VRK2: variants seen among roughly 807,000 people sequenced by gnomAD.
The protein encoded by VRK2 is serine/threonine-protein kinase VRK2.
VRK2 carries 60 observed loss-of-function variants against 57.6 expected under a neutral mutation model. The observed-to-expected ratio is 1.04, with a 90% CI of 0.85 to 1.29. VRK2 has a LOEUF of 1.29. Ranked by LOEUF, VRK2 falls within the 50% of genes most tolerant of loss-of-function variation. The pLI, the probability that VRK2 is intolerant of heterozygous loss-of-function variation, is 0.00. For synonymous variants in VRK2, 231 were observed against 199.2 expected (o/e 1.16, Z -1.35); for missense variants, 705 against 588.1 (o/e 1.20, Z -2.06).
intron 1 of VRK2, among the ~76,000 whole-genome samples, chr2:57,935,055 C>T (rs531989720): frequency 3.3e-5 from 5 of 152,230 alleles, no homozygotes; most frequent in East Asian, 1.9e-4. Context: ...AATTCTTTAT[C>T]AGAAAATTGG....
At chr2:58,090,360 C>T (rs572584375) in intron 7 of VRK2, among the ~76,000 whole-genome samples, 4 of 145,236 alleles carry the variant, frequency 2.8e-5, no homozygotes, top group South Asian at 4.3e-4. Flanking sequence ...GGTGCCATTG[C>T]ACTCCATCCA....
chr2:57,963,238 T>G (rs1221341565), intron 1 of VRK2, among the ~76,000 whole-genome samples: 1 of 152,184 alleles, frequency 6.6e-6, no homozygotes, highest in Non-Finnish European at 1.5e-5. Flanking sequence ...CACTCCTAAT[T>G]AGCATTTTAT....
intron 1 of VRK2, among the ~76,000 whole-genome samples, chr2:57,934,220 C>T (rs2717023): frequency 0.7 from 105,908 of 152,120 alleles, 38,369 homozygotes; most frequent in African/African-American, 0.92. Context: ...ATACTAACCA[C>T]TGTGAGTTTC....
At chr2:58,058,385 G>T (rs1230619113) in intron 2 of VRK2, 1 of 470,500 alleles carries the variant, frequency 2.1e-6, no homozygotes, top group Non-Finnish European at 4.4e-6. Flanking sequence ...CCAATGCTTA[G>T]TGTGGAGTAA....
chr2:58,116,564 G>A (rs959175765), intron 7 of VRK2, among the ~76,000 whole-genome samples: 7 of 152,234 alleles, frequency 4.6e-5, no homozygotes, highest in Admixed American at 2.6e-4. Context: ...GTAATGTGGA[G>A]TGGGTAGCCT....
At chr2:57,915,672 A>G (rs1428653050) in intron 1 of VRK2, among the ~76,000 whole-genome samples, 2 of 152,224 alleles carry the variant, frequency 1.3e-5, no homozygotes, top group South Asian at 2.1e-4. Context: ...GTTATCTGCG[A>G]TAAGCTGTAT....
rs976618765 is a variant in VRK2, at chr2:58,006,352, A to T, written c.-438-19313A>T. ...ACCAAAAGGTGGCCCACAGTGAGTA[A>T]ATTAAAAATGCCAGACATGCCTTGG... is the stretch of plus-strand genomic sequence containing the variant. On this transcript the variant is annotated intron_variant, in intron 1 of 15. Coordinates refer to the VRK2 transcript ENST00000417641. Among the ~76,000 whole-genome samples the T allele has an allele frequency of 2.0e-5, 3 of 152,162 alleles. No individual in the cohort carries two copies. The East Asian group carries it at 5.8e-4, about 29-fold the overall frequency.
chr2:58,125,883 C>G (rs180860362), intron 8 of VRK2, among the ~76,000 whole-genome samples: 1 of 152,102 alleles, frequency 6.6e-6, no homozygotes, highest in Admixed American at 6.5e-5. Context: ...GAATACTGTT[C>G]ACTCCTATGT....
chr2:58,134,697 C>G (rs1296241497), intron 9 of VRK2, among the ~76,000 whole-genome samples: 1 of 152,018 alleles, frequency 6.6e-6, no homozygotes, highest in African/African-American at 2.4e-5. Flanking sequence ...AGAACATACC[C>G]TTTTGTCCAG....
At chr2:57,972,908 T>C (rs770625126) in intron 1 of VRK2, among the ~76,000 whole-genome samples, 2 of 151,912 alleles carry the variant, frequency 1.3e-5, no homozygotes, top group Non-Finnish European at 2.9e-5. Flanking sequence ...TGTACAATAG[T>C]TCAATCAATC....
rs112941010 is a variant in VRK2 at position 58,090,771 on chromosome 2, C to T, written c.543+1048C>T. Among the ~76,000 whole-genome samples the T allele has an allele frequency of 3.9e-3, 599 of 152,250 alleles. 5 individuals carry two copies. The highest frequency in any genetic ancestry group is 0.015 in the Admixed American group (225 of 15,294). On this transcript the variant is annotated intron_variant, in intron 7 of 12. Coordinates refer to ENST00000340157, the MANE Select transcript of VRK2 (RefSeq NM_006296.7). Reference sequence around the variant, plus strand: ...AAACCTGCACGTGAATGCTTGTAGTCGGTTTATTCATACTCGTCAAAACAT... The same window carrying T: ...AAACCTGCACGTGAATGCTTGTAGTTGGTTTATTCATACTCGTCAAAACAT...
At chr2:57,960,521 A>T (rs969588486) in intron 1 of VRK2, among the ~76,000 whole-genome samples, 1 of 152,218 alleles carries the variant, frequency 6.6e-6, no homozygotes, top group African/African-American at 2.4e-5. Flanking sequence ...TTGCATTCAC[A>T]TTCACATTAG....
intron 7 of VRK2, among the ~76,000 whole-genome samples, chr2:58,113,972 G>T (rs1676013638): frequency 2.6e-5 from 4 of 152,094 alleles, no homozygotes; most frequent in Admixed American, 2.0e-4. Context: ...GTTTCTCAGG[G>T]CTGCTTCAAC....
At chr2:58,027,925 T>C (rs1673983035) in intron 2 of VRK2, among the ~76,000 whole-genome samples, 1 of 152,176 alleles carries the variant, frequency 6.6e-6, no homozygotes, top group Non-Finnish European at 1.5e-5. Context: ...TGAATGTGGA[T>C]AAACAACATA....
chr2:57,911,329 C>A (rs1214926361), intron 1 of VRK2, among the ~76,000 whole-genome samples: 1 of 152,064 alleles, frequency 6.6e-6, no homozygotes, highest in Non-Finnish European at 1.5e-5. Context: ...GAGTTAAGTT[C>A]CATGGTTAAA....
At chr2:57,957,599 T>C (rs1324931974) in intron 1 of VRK2, among the ~76,000 whole-genome samples, 3 of 147,560 alleles carry the variant, frequency 2.0e-5, no homozygotes, top group Admixed American at 6.8e-5. Flanking sequence ...AAACTATATG[T>C]AGATATATAT....
chr2:57,918,572 A>G (rs967369724), intron 1 of VRK2, among the ~76,000 whole-genome samples: 2 of 152,084 alleles, frequency 1.3e-5, no homozygotes, highest in Non-Finnish European at 2.9e-5. Context: ...CCAGGAAGGT[A>G]CTGACCATGA....
chr2:57,970,974 T>C (rs1047212169), intron 1 of VRK2, among the ~76,000 whole-genome samples: 1 of 152,058 alleles, frequency 6.6e-6, no homozygotes, highest in African/African-American at 2.4e-5. Flanking sequence ...TTTCACACTC[T>C]GGACTCTGCT....
chr2:58,138,268 C>A (rs960595429), intron 10 of VRK2, among the ~76,000 whole-genome samples: 19 of 152,064 alleles, frequency 1.2e-4, no homozygotes, highest in African/African-American at 4.3e-4. Flanking sequence ...TGGATACCCC[C>A]GAGCCCTTGT....
Sources: gnomAD v4.1 joint callset for allele counts (sites outside exome capture counted in the v4.1 genomes callset) on GRCh38, gnomAD v4.1.1 for gene constraint, MANE v1.5 for transcripts, NCBI Gene and HGNC (gene_info 2026-07-23, HGNC 2026-07-21) for gene names.